DOCK2: variants seen among roughly 807,000 people sequenced by gnomAD.
DOCK2 encodes the protein dedicator of cytokinesis protein 2.
In DOCK2, 87 loss-of-function variants were observed where a neutral mutation model predicts 248.9. That is an observed-to-expected ratio of 0.35 (90% confidence interval 0.29 to 0.42). DOCK2 has a LOEUF of 0.42. Ranked by LOEUF, DOCK2 falls within the 10% of genes least tolerant of loss-of-function variation. DOCK2 has a pLI of 1.00. For synonymous variants in DOCK2, 805 were observed against 821.6 expected (o/e 0.98, Z 0.35); for missense variants, 1,747 against 2,300.2 (o/e 0.76, Z 4.92).
At chr5:169,961,933 C>T (rs188842786) in intron 27 of DOCK2, among the ~76,000 whole-genome samples, 2,250 of 129,712 alleles carry the variant, frequency 0.017, 54 homozygotes, top group African/African-American at 0.062. Context: ...GAGCCGAGAT[C>T]GTGCCACTGC....
intron 22 of DOCK2, among the ~76,000 whole-genome samples, chr5:169,736,927 C>T (rs945364465): frequency 2.0e-5 from 3 of 152,052 alleles, no homozygotes; most frequent in Non-Finnish European, 4.4e-5. Flanking sequence ...GAGTAGGCCA[C>T]TATGCTAGGT....
At chr5:169,654,806 A>G (rs1418988825) in intron 2 of DOCK2, among the ~76,000 whole-genome samples, 2 of 152,224 alleles carry the variant, frequency 1.3e-5, no homozygotes, top group Non-Finnish European at 2.9e-5. Context: ...GGAAATAAGC[A>G]TCATTAGGGT....
At chr5:169,721,777 G>A (rs1762219499) in intron 22 of DOCK2, among the ~76,000 whole-genome samples, 1 of 152,250 alleles carries the variant, frequency 6.6e-6, no homozygotes, top group African/African-American at 2.4e-5. Flanking sequence ...GGTAAGGAAA[G>A]AAGAGTCGTT....
chr5:169,908,247 C>T (rs1316584030), intron 27 of DOCK2, among the ~76,000 whole-genome samples: 2 of 151,988 alleles, frequency 1.3e-5, no homozygotes, highest in African/African-American at 2.4e-5. Context: ...TATAGCTGGT[C>T]CCTTGGTGGC....
chr5:169,928,726 C>A (rs188662107), intron 27 of DOCK2, among the ~76,000 whole-genome samples: 1 of 152,138 alleles, frequency 6.6e-6, no homozygotes, highest in East Asian at 1.9e-4. Flanking sequence ...AGTTATGACA[C>A]CTTCATAGAG....
intron 26 of DOCK2, among the ~76,000 whole-genome samples, chr5:169,836,187 A>G (rs560518507): frequency 6.6e-6 from 1 of 152,360 alleles, no homozygotes; most frequent in East Asian, 1.9e-4. Context: ...AAATTATTAA[A>G]AATATTATCC....
intron 22 of DOCK2, among the ~76,000 whole-genome samples, chr5:169,740,251 T>C (rs1363785850): frequency 6.6e-6 from 1 of 152,198 alleles, no homozygotes; most frequent in Admixed American, 6.5e-5. Flanking sequence ...ATGTTTCAGA[T>C]GGATTGTTTT....
chr5:169,981,910 T>C (rs899939342), intron 27 of DOCK2, among the ~76,000 whole-genome samples: 1 of 152,196 alleles, frequency 6.6e-6, no homozygotes, highest in Admixed American at 6.5e-5. Context: ...AAAACATTCA[T>C]GCGACTGGCT....
intron 8 of DOCK2, among the ~76,000 whole-genome samples, chr5:169,685,506 C>T (rs1015281714): frequency 3.2e-4 from 48 of 152,108 alleles, no homozygotes; most frequent in African/African-American, 1.1e-3. Flanking sequence ...TGCAGGCATG[C>T]GCCACCACGC....
chr5:169,659,424 A>G (rs185542506), intron 2 of DOCK2, among the ~76,000 whole-genome samples: 123 of 152,156 alleles, frequency 8.1e-4, no homozygotes, highest in African/African-American at 2.8e-3. Flanking sequence ...CCTCTCCCCT[A>G]TTATGTAGTG....
intron 19 of DOCK2, 23 bp from the exon 20 acceptor site, chr5:169,716,190 G>T (rs1224069838): frequency 6.2e-7 from 1 of 1,609,624 alleles, no homozygotes; most frequent in African/African-American, 1.3e-5. Context: ...CTGAAGTAGT[G>T]CAACCTTTGT....
intron 25 of DOCK2, among the ~76,000 whole-genome samples, chr5:169,794,067 C>T (rs1249200403): frequency 6.6e-6 from 1 of 152,122 alleles, no homozygotes; most frequent in African/African-American, 2.4e-5. Context: ...GCTCTCATGG[C>T]CCCCAACTCC....
At chr5:169,903,435 G>A (rs1272200248) in intron 27 of DOCK2, among the ~76,000 whole-genome samples, 1 of 151,746 alleles carries the variant, frequency 6.6e-6, no homozygotes, top group African/African-American at 2.4e-5. Context: ...TGTTTCTGTG[G>A]TGGTGTGAGT....
At chr5:170,047,468 A>T in intron 39 of DOCK2, 42 bp from the exon 40 acceptor site, 1 of 1,582,004 alleles carries the variant, frequency 6.3e-7, no homozygotes, top group Non-Finnish European at 8.7e-7. Context: ...TGTGCCTTTG[A>T]TACACATCTG....
chr5:169,652,696 G>A (rs1359310782), intron 1 of DOCK2, among the ~76,000 whole-genome samples: 3 of 152,186 alleles, frequency 2.0e-5, no homozygotes, highest in Non-Finnish European at 4.4e-5. Context: ...TGTGGTTTAG[G>A]CAGACGTGTT....
chr5:169,818,656 C>A (rs1218103094), intron 26 of DOCK2, among the ~76,000 whole-genome samples: 1 of 152,068 alleles, frequency 6.6e-6, no homozygotes. Flanking sequence ...CTGGTGGTGA[C>A]AGAGAAGGCA....
chr5:170,044,828 C>A (rs576318265), intron 38 of DOCK2, among the ~76,000 whole-genome samples: 1 of 152,162 alleles, frequency 6.6e-6, no homozygotes, highest in African/African-American at 2.4e-5. Context: ...CCTCCTACCT[C>A]CCCCAGCTTC....
intron 27 of DOCK2, among the ~76,000 whole-genome samples, chr5:169,942,567 A>G (rs1776283935): frequency 6.6e-6 from 1 of 152,224 alleles, no homozygotes; most frequent in South Asian, 2.1e-4. Context: ...TTCCCTCCCA[A>G]GTTCCCTCCA....
chr5:169,912,525 G>C (rs1440386934), intron 27 of DOCK2, among the ~76,000 whole-genome samples: 1 of 152,082 alleles, frequency 6.6e-6, no homozygotes, highest in Non-Finnish European at 1.5e-5. Flanking sequence ...ATTCTCCCCT[G>C]TCTTAATAAC....
Sources: allele counts gnomAD v4.1 joint callset (sites outside exome capture counted in the v4.1 genomes callset), GRCh38; gene constraint gnomAD v4.1.1; transcripts MANE v1.5; gene names NCBI Gene and HGNC (gene_info 2026-07-23, HGNC 2026-07-21).